PTCHD4: variants seen among roughly 807,000 people sequenced by gnomAD.
PTCHD4 encodes patched domain-containing protein 4.
Under a neutral mutation model 58.1 loss-of-function variants are expected in PTCHD4, and 33 were observed. The ratio of observed to expected loss-of-function variants is 0.57; its 90% CI spans 0.43 to 0.76. The LOEUF (loss-of-function observed/expected upper bound fraction) is 0.76. PTCHD4 is among the 30% of genes least tolerant of loss of function. The probability of loss-of-function intolerance (pLI) is 0.00; values close to 1 mark genes in which losing one functional copy is unlikely to be tolerated. For synonymous variants in PTCHD4, 478 were observed against 409.6 expected (o/e 1.17, Z -2.02); for missense variants, 1,058 against 1,027.1 (o/e 1.03, Z -0.41).
chr6:47,908,849 G>T (rs2113863674), intron 4 of PTCHD4, among the ~76,000 whole-genome samples: 1 of 152,122 alleles, frequency 6.6e-6, no homozygotes, highest in Middle Eastern at 3.4e-3. Context: ...ATTCTTCCTT[G>T]AGAGTAAATG....
rs183636425 is a variant in PTCHD4 at position 48,072,089 on chromosome 6, T to A, written c.-969-2163A>T. Among the ~76,000 whole-genome samples, 39 of 152,336 alleles carry A rather than the reference T, an allele frequency of 2.6e-4. No homozygotes were observed. The East Asian group carries it at 6.8e-3, about 26-fold the overall frequency. ...TTTCTCCACTGTAAAGTTAATCTTT[T>A]TACTATCCTCTGTACTGTGTTTTTT... On this transcript the variant is annotated intron_variant, in intron 1 of 4. Coordinates refer to ENST00000339488, the MANE Select transcript of PTCHD4 (RefSeq NM_001384253.1).
chr6:47,962,046 GA>G (rs1482253461), intron 4 of PTCHD4, among the ~76,000 whole-genome samples: 1 of 151,852 alleles, frequency 6.6e-6, no homozygotes, highest in Non-Finnish European at 1.5e-5. Flanking sequence ...AAATAAAGAA[GA>G]AAAAATCAGT....
intron 3 of PTCHD4, among the ~76,000 whole-genome samples, chr6:48,046,320 G>A (rs1019622950): frequency 5.3e-5 from 8 of 151,756 alleles, no homozygotes; most frequent in African/African-American, 1.9e-4. Context: ...CAAAATAACT[G>A]AAGATGCAAG....
chr6:48,110,713 T>C (rs1765853321), intron 1 of PTCHD4, among the ~76,000 whole-genome samples: 1 of 150,080 alleles, frequency 6.7e-6, no homozygotes, highest in Non-Finnish European at 1.5e-5. Context: ...TAGATGGATT[T>C]ATTAGGTTGT....
At chr6:47,927,013 A>C (rs1765645716) in intron 4 of PTCHD4, among the ~76,000 whole-genome samples, 1 of 152,148 alleles carries the variant, frequency 6.6e-6, no homozygotes, top group African/African-American at 2.4e-5. Context: ...CCAGTGAGCT[A>C]CCTAGGACTG....
chr6:48,030,277 T>G (rs1763389302), intron 3 of PTCHD4, among the ~76,000 whole-genome samples: 1 of 152,146 alleles, frequency 6.6e-6, no homozygotes, highest in Non-Finnish European at 1.5e-5. Flanking sequence ...CAAGGGTGAC[T>G]GTAGAGAGAA....
At chr6:48,102,739 C>A (rs977773645) in intron 1 of PTCHD4, among the ~76,000 whole-genome samples, 3 of 152,190 alleles carry the variant, frequency 2.0e-5, no homozygotes, top group Non-Finnish European at 4.4e-5. Context: ...CCTGGAAAAT[C>A]GGGTCACTCC....
intron 3 of PTCHD4, among the ~76,000 whole-genome samples, chr6:48,046,283 C>T (rs753225746): frequency 6.6e-6 from 1 of 151,730 alleles, no homozygotes; most frequent in East Asian, 1.9e-4. Flanking sequence ...ATCACTCATT[C>T]GTATTGGAGC....
At position 47,869,057 on chromosome 6, in the gene PTCHD4, C is replaced by T. The variant is rs1763650401; in HGVS notation, c.*9246G>A. On this transcript the variant is annotated 3_prime_UTR_variant, in exon 5 of 5. Coordinates refer to ENST00000339488, the MANE Select transcript of PTCHD4 (RefSeq NM_001384253.1). ...TGCAATGATAAAGCTTTTGAAGTGG[C>T]TTGTGGAATATTAAATTGTTTAAGT... Among the ~76,000 whole-genome samples, 1 of 151,686 alleles carries T rather than the reference C, an allele frequency of 6.6e-6. No homozygotes were observed. Among genetic ancestry groups the T allele is most frequent in the South Asian group, 2.1e-4 (1 of 4,812 alleles).
At chr6:47,938,490 A>G (rs1487749632) in intron 4 of PTCHD4, among the ~76,000 whole-genome samples, 1 of 152,222 alleles carries the variant, frequency 6.6e-6, no homozygotes, top group Non-Finnish European at 1.5e-5. Flanking sequence ...TCCTACGGAA[A>G]TTTCTTCTGA....
intron 4 of PTCHD4, among the ~76,000 whole-genome samples, chr6:47,906,116 C>A (rs961520162): frequency 1.3e-5 from 2 of 152,216 alleles, no homozygotes; most frequent in Non-Finnish European, 2.9e-5. Flanking sequence ...CACAAATGTA[C>A]CCTGTCTTGT....
At chr6:48,089,620 T>C (rs1765326649) in intron 1 of PTCHD4, among the ~76,000 whole-genome samples, 1 of 152,256 alleles carries the variant, frequency 6.6e-6, no homozygotes, top group South Asian at 2.1e-4. Flanking sequence ...CAATCTTGTA[T>C]ATGATTTTGT....
rs1285356787 is a variant in PTCHD4 at position 48,068,392 on chromosome 6, G to A, written c.255C>T (p.Ala85=). 6.2e-7 allele frequency: 1 copy of A among 1,613,842 alleles called. No individual in the cohort carries two copies. Among genetic ancestry groups the A allele is most frequent in the Non-Finnish European group, 8.5e-7 (1 of 1,179,884 alleles). Residue 85 remains alanine (A), a synonymous_variant, in exon 3 of 5, where the codon GCC becomes GCT. Coordinates refer to ENST00000339488, the MANE Select transcript of PTCHD4 (RefSeq NM_001384253.1). This position sits in a 1 kb window ranked among gnomAD's most constrained non-coding sequence, Gnocchi z 4.2. ...ACTGGTCCAGGGGGAAAAGGCTGCTGGCCAGGCTGCGCTCGATCTTGGCCA... is the reference window on the plus strand; with the variant it reads ...ACTGGTCCAGGGGGAAAAGGCTGCTAGCCAGGCTGCGCTCGATCTTGGCCA... ...HSLAKIERSL[A]SSLFPLDQSK...
chr6:48,080,807 C>T (rs563004030), intron 1 of PTCHD4, among the ~76,000 whole-genome samples: 1 of 152,280 alleles, frequency 6.6e-6, no homozygotes, highest in South Asian at 2.1e-4. Context: ...TGTGTACATT[C>T]TCCTTTTGTT....
In PTCHD4 at chr6:48,003,117, C is replaced by T. The variant is rs372684463; in HGVS notation, c.898+5517G>A. On this transcript the variant is annotated intron_variant, in intron 4 of 4. Coordinates refer to ENST00000339488, the MANE Select transcript of PTCHD4 (RefSeq NM_001384253.1). ...CCAATTTCTAACCATTGAAATGCTC[C>T]GGGGCTCAAATCTTGGATGTCTTAT... Among the ~76,000 whole-genome samples, 232 of 152,182 alleles carry T rather than the reference C, an allele frequency of 1.5e-3. 2 individuals carry two copies. In the South Asian group the frequency reaches 0.034, roughly 22 times the overall value.
chr6:48,071,887 T>C (rs1047645703), intron 1 of PTCHD4, among the ~76,000 whole-genome samples: 5 of 152,146 alleles, frequency 3.3e-5, no homozygotes, highest in African/African-American at 9.7e-5. Flanking sequence ...TATTCCTCAA[T>C]TGGGAATTGT....
At chr6:47,966,488 T>C (rs553491761) in intron 4 of PTCHD4, among the ~76,000 whole-genome samples, 102 of 152,320 alleles carry the variant, frequency 6.7e-4, no homozygotes, top group Non-Finnish European at 9.4e-4. Flanking sequence ...AGGGTGATTG[T>C]CACAATTTCT....
At position 47,863,266 on chromosome 6, in the gene PTCHD4, T is replaced by C. The variant is rs571477837; in HGVS notation, c.*15037A>G. ...AAATATCATACATTTGAAAATTTTA[T>C]ATAAACATAAGATGTGAACATACTG... On this transcript the variant is annotated 3_prime_UTR_variant, in exon 5 of 5. Transcript: ENST00000339488. 5.5e-4 allele frequency among the ~76,000 whole-genome samples: 83 copies of C among 151,992 alleles called. 1 individual carries two copies. In the South Asian group the frequency reaches 0.016, roughly 30 times the overall value.
At chr6:47,928,523 A>C (rs984588789) in intron 4 of PTCHD4, among the ~76,000 whole-genome samples, 2 of 152,252 alleles carry the variant, frequency 1.3e-5, no homozygotes, top group African/African-American at 4.8e-5. Flanking sequence ...CTATACCAAC[A>C]GATAACAGGC....
Sources: allele counts gnomAD v4.1 joint callset (sites outside exome capture counted in the v4.1 genomes callset), GRCh38; gene constraint gnomAD v4.1.1; non-coding constraint Gnocchi (gnomAD v3.1); transcripts MANE v1.5; gene names NCBI Gene and HGNC (gene_info 2026-07-23, HGNC 2026-07-21).